Variants in ANKFN1 observed in about 807,000 individuals in gnomAD.
ANKFN1 encodes the protein ankyrin repeat and fibronectin type-III domain-containing protein 1.
In ANKFN1, 74 loss-of-function variants were observed where a neutral mutation model predicts 108.7. The observed-to-expected ratio is 0.68, with a 90% CI of 0.56 to 0.83. The LOEUF (loss-of-function observed/expected upper bound fraction) is 0.83, where lower values mean the gene tolerates loss of function less well. Ranked by LOEUF, ANKFN1 falls within the 40% of genes least tolerant of loss-of-function variation. ANKFN1 has a pLI of 0.00. For missense variants in ANKFN1, 1,505 were observed against 1,382.3 expected, an observed-to-expected ratio of 1.09 and a Z score of -1.41; for synonymous variants, 547 against 516.2, an observed-to-expected ratio of 1.06 and a Z score of -0.81.
intron 3 of ANKFN1, among the ~76,000 whole-genome samples, chr17:56,284,875 G>T (rs1015747021): frequency 2.0e-5 from 3 of 152,166 alleles, no homozygotes; most frequent in African/African-American, 4.8e-5. Context: ...GCCTTAGTGA[G>T]ATGAGTAAAG....
intron 4 of ANKFN1, among the ~76,000 whole-genome samples, chr17:56,119,107 T>C (rs1373694904): frequency 6.6e-6 from 1 of 152,008 alleles, no homozygotes; most frequent in Non-Finnish European, 1.5e-5. Flanking sequence ...GAAATACGGG[T>C]TTGGAATTTA....
intron 8 of ANKFN1, among the ~76,000 whole-genome samples, chr17:56,419,239 T>C (rs926620672): frequency 1.1e-4 from 17 of 152,150 alleles, no homozygotes; most frequent in African/African-American, 3.4e-4. Flanking sequence ...CCCAGCACTT[T>C]GGGAGGCCGA....
chr17:56,249,241 C>A (rs1435747452), intron 3 of ANKFN1, among the ~76,000 whole-genome samples: 1 of 152,080 alleles, frequency 6.6e-6, no homozygotes, highest in Non-Finnish European at 1.5e-5. Flanking sequence ...TCGAGACCAG[C>A]CTGGCAACAT....
At position 56,313,889 on chromosome 17, in the gene ANKFN1, C is replaced by T. The variant is rs571043378; in HGVS notation, c.54-12332C>T. Among the ~76,000 whole-genome samples, 17 of 152,258 alleles carry T rather than the reference C, an allele frequency of 1.1e-4. No individual in the cohort carries two copies. The East Asian group carries it at 1.7e-3, about 16-fold the overall frequency. On this transcript the variant is annotated intron_variant, in intron 3 of 20. Coordinates refer to ENST00000682825, the MANE Select transcript of ANKFN1 (RefSeq NM_001370326.1). ...AATCAAGATACAGAACATTTCCAAC[C>T]GGCCTGAAAGTTTCCTTCTGCCACT...
intron 4 of ANKFN1, among the ~76,000 whole-genome samples, chr17:56,066,294 C>T (rs183771578): frequency 6.6e-6 from 1 of 152,312 alleles, no homozygotes; most frequent in Admixed American, 6.5e-5. Flanking sequence ...GAAAGAAGAA[C>T]CCCAGCTGAG....
chr17:56,119,638 T>C (rs1189505858), intron 4 of ANKFN1, among the ~76,000 whole-genome samples: 1 of 152,154 alleles, frequency 6.6e-6, no homozygotes, highest in South Asian at 2.1e-4. Context: ...TTGGTAAGAA[T>C]TAAGTGAAGT....
At position 56,500,866 on chromosome 17, in the gene ANKFN1, T is replaced by C. The variant is rs9910675; in HGVS notation, c.2644+1768T>C. Among the ~76,000 whole-genome samples the C allele has an allele frequency of 2.5e-3, 385 of 152,316 alleles. 1 individual carries two copies. Among genetic ancestry groups the C allele is most frequent in the African/African-American group, 8.9e-3 (369 of 41,580 alleles). The stretch of plus-strand genomic sequence containing the variant: ...ACATAAAGCAAAATATCTGCTCCCA[T>C]AGAGCATACTTACATTCTAGAAACA... On this transcript the variant is annotated intron_variant, in intron 20 of 20. Coordinates refer to ENST00000682825, the MANE Select transcript of ANKFN1 (RefSeq NM_001370326.1).
At chr17:56,506,469 C>A (rs554295454) in intron 20 of ANKFN1, among the ~76,000 whole-genome samples, 7 of 152,024 alleles carry the variant, frequency 4.6e-5, no homozygotes. Context: ...CTGACAGCCA[C>A]CAGAAGCTAG....
chr17:56,476,154 C>A (rs906547885), intron 15 of ANKFN1, among the ~76,000 whole-genome samples: 1 of 152,146 alleles, frequency 6.6e-6, no homozygotes, highest in Non-Finnish European at 1.5e-5. Context: ...TCCCACCAGG[C>A]CCCTCCGCCA....
rs1472706967 is a variant in ANKFN1, at chr17:56,436,737, G to A, written c.911-3590G>A. Among the ~76,000 whole-genome samples the A allele has an allele frequency of 3.8e-4, 58 of 151,790 alleles. 1 individual carries two copies. Among genetic ancestry groups the A allele is most frequent in the Admixed American group, 3.8e-3 (58 of 15,220 alleles). On this transcript the variant is annotated intron_variant, in intron 8 of 20. Transcript: ENST00000682825. The stretch of plus-strand genomic sequence containing the variant: ...CCGAGCTACTTGGGAGGCTGAGACA[G>A]GAAAATCACTTGTACCCGGGAGGCG...
intron 6 of ANKFN1, 73 bp from the exon 7 acceptor site, chr17:56,372,573 T>C: frequency 7.7e-7 from 1 of 1,295,674 alleles, no homozygotes; most frequent in Non-Finnish European, 1.1e-6. Context: ...TAGTAAACTC[T>C]GGGATATATC....
In ANKFN1 at chr17:56,170,799, T is replaced by C. The variant is rs1293965596; in HGVS notation, c.-71+17269T>C. 1.1e-3 allele frequency among the ~76,000 whole-genome samples: 69 copies of C among 62,842 alleles called. 1 individual carries two copies. In the South Asian group the frequency reaches 0.015, roughly 14 times the overall value. The allele number at this position is 62,842 out of a possible 152,430, so 41.2% of individuals were successfully genotyped here. Reference sequence around the variant, plus strand: ...TTATATATATATATATATATATATATATATATATACACACACACACACACA... The same window carrying C: ...TTATATATATATATATATATATATACATATATATACACACACACACACACA... On this transcript the variant is annotated intron_variant, in intron 1 of 20. Coordinates refer to ENST00000682825, the MANE Select transcript of ANKFN1 (RefSeq NM_001370326.1).
At chr17:56,485,813 A>C (rs889369859) in intron 18 of ANKFN1, among the ~76,000 whole-genome samples, 1 of 152,202 alleles carries the variant, frequency 6.6e-6, no homozygotes, top group Non-Finnish European at 1.5e-5. Context: ...TTTAACCTGC[A>C]TAAGAATCAC....
intron 3 of ANKFN1, among the ~76,000 whole-genome samples, chr17:56,255,017 G>T (rs1034727631): frequency 2.6e-5 from 4 of 152,152 alleles, no homozygotes; most frequent in Non-Finnish European, 5.9e-5. Context: ...GTCAGAGAAG[G>T]TCCAAAAGAG....
chr17:56,378,140 A>G (rs1275827683), intron 8 of ANKFN1, among the ~76,000 whole-genome samples: 1 of 152,184 alleles, frequency 6.6e-6, no homozygotes. Flanking sequence ...AGGAGCTCAT[A>G]GTGTATCTGC....
intron 4 of ANKFN1, among the ~76,000 whole-genome samples, 191 bp downstream of exon 4, chr17:56,326,546 A>G (rs2045521994): frequency 6.6e-6 from 1 of 152,234 alleles, no homozygotes; most frequent in Non-Finnish European, 1.5e-5. Flanking sequence ...GCAATTGTAC[A>G]TACACGTCCC....
intron 4 of ANKFN1, among the ~76,000 whole-genome samples, chr17:56,062,727 C>T (rs1210452696): frequency 6.6e-6 from 1 of 151,982 alleles, no homozygotes; most frequent in Non-Finnish European, 1.5e-5. Flanking sequence ...GGCATTTAGC[C>T]CATTTACATT....
chr17:56,486,804 A>T (rs949813543), intron 18 of ANKFN1, among the ~76,000 whole-genome samples: 3 of 152,236 alleles, frequency 2.0e-5, no homozygotes, highest in Non-Finnish European at 4.4e-5. Context: ...GGTGTGAATT[A>T]TGGGAATATG....
At chr17:56,457,480 A>G in intron 13 of ANKFN1, 91 bp downstream of exon 13, 3 of 1,368,522 alleles carry the variant, frequency 2.2e-6, no homozygotes, top group South Asian at 1.5e-5. Flanking sequence ...GTCTCCAGCG[A>G]TCAGAGTTTT....
Sources: allele counts gnomAD v4.1 joint callset (sites outside exome capture counted in the v4.1 genomes callset), GRCh38; gene constraint gnomAD v4.1.1; transcripts MANE v1.5; gene names NCBI Gene and HGNC (gene_info 2026-07-23, HGNC 2026-07-21).